ALMS1: variants seen among roughly 807,000 people sequenced by gnomAD.
The protein encoded by ALMS1 is centrosome-associated protein ALMS1.
ALMS1 carries 271 observed loss-of-function variants against 352.2 expected under a neutral mutation model. That is an observed-to-expected ratio of 0.77 (90% CI 0.70 to 0.85). The LOEUF is 0.85. Among genes scored for constraint, ALMS1 ranks in the 40% least tolerant of loss-of-function variants. ALMS1 has a pLI of 0.00. For synonymous variants in ALMS1, 1,865 were observed against 1,761.2 expected (o/e 1.06, Z -1.48); for missense variants, 5,445 against 4,870.7 (o/e 1.12, Z -3.51).
At chr2:73,550,567 C>T in intron 13 of ALMS1, 130 bp downstream of exon 13, 2 of 1,192,794 alleles carry the variant, frequency 1.7e-6, no homozygotes, top group Non-Finnish European at 2.3e-6. Flanking sequence ...TTATATTGAG[C>T]ATATACAAGA....
At chr2:73,459,436 T>C in intron 9 of ALMS1, 1 of 152,202 alleles carries the variant, frequency 6.6e-6, no homozygotes, top group South Asian at 2.1e-4. Flanking sequence ...TATACTTGCC[T>C]GAATAATTTA....
intron 15 of ALMS1, among the ~76,000 whole-genome samples, chr2:73,563,724 A>G (rs1419794603): frequency 1.9e-5 from 2 of 104,006 alleles, no homozygotes; most frequent in East Asian, 2.2e-4. Flanking sequence ...CTCCATCTCA[A>G]AAAAAAAAAA....
At chr2:73,404,736 T>C (rs1055166117) in intron 1 of ALMS1, among the ~76,000 whole-genome samples, 1 of 151,986 alleles carries the variant, frequency 6.6e-6, no homozygotes, top group Admixed American at 6.6e-5. Context: ...TATAGTCTTC[T>C]AATGTCTTTG....
chr2:73,430,603 C>T (rs1398471393), intron 6 of ALMS1, among the ~76,000 whole-genome samples: 1 of 152,070 alleles, frequency 6.6e-6, no homozygotes, highest in African/African-American at 2.4e-5. Flanking sequence ...TGATGGTAGT[C>T]CCATAAGATT....
chr2:73,559,162 T>C lies in ALMS1; in HGVS notation c.10384+20T>C. 6.2e-7 allele frequency: 1 copy of C among 1,609,006 alleles called. No homozygotes were observed. Among genetic ancestry groups the C allele is most frequent in the Non-Finnish European group, 8.5e-7 (1 of 1,177,146 alleles). On this transcript the variant is annotated intron_variant, in intron 15 of 22. Coordinates refer to ENST00000613296, the MANE Select transcript of ALMS1 (RefSeq NM_001378454.1). Reference sequence around the variant, plus strand: ...TTGAAGGTAATGGGATTGGGTTGTGTATGAGTGTGTGTGTCTTTGTGTGTA... The same window carrying C: ...TTGAAGGTAATGGGATTGGGTTGTGCATGAGTGTGTGTGTCTTTGTGTGTA...
intron 7 of ALMS1, 129 bp from the exon 8 acceptor site, chr2:73,447,831 C>T (rs1671837013): frequency 8.1e-7 from 1 of 1,237,946 alleles, no homozygotes; most frequent in Non-Finnish European, 1.1e-6. Context: ...TATTTATCTC[C>T]TTTGATGGCT....
chr2:73,562,380 A>G (rs1460362803), intron 15 of ALMS1, among the ~76,000 whole-genome samples: 1 of 152,128 alleles, frequency 6.6e-6, no homozygotes, highest in African/African-American at 2.4e-5. Context: ...AATTTTGTAT[A>G]TAGTGTTCAA....
At chr2:73,438,962 C>T (rs1390643158) in intron 7 of ALMS1, among the ~76,000 whole-genome samples, 3 of 151,816 alleles carry the variant, frequency 2.0e-5, no homozygotes, top group Non-Finnish European at 4.4e-5. Flanking sequence ...TATATAGCCA[C>T]TCCTATAGAA....
In ALMS1 at chr2:73,506,989, G is replaced by C. The variant is rs138735754; in HGVS notation, c.9540-12786G>C. On this transcript the variant is annotated intron_variant, in intron 10 of 22. Transcript: ENST00000613296. ...TTTATTGAGTGTTTTTAGCATGAAGGGGTGTTGAATTTTATCGAAGGCCTT... is the reference window on the plus strand; with the variant it reads ...TTTATTGAGTGTTTTTAGCATGAAGCGGTGTTGAATTTTATCGAAGGCCTT... Among the ~76,000 whole-genome samples the C allele has an allele frequency of 9.3e-3, 1,416 of 152,262 alleles. 27 individuals carry two copies. Among genetic ancestry groups the C allele is most frequent in the African/African-American group, 0.032 (1,343 of 41,524 alleles).
At chr2:73,553,457 T>C (rs1023401596) in intron 13 of ALMS1, among the ~76,000 whole-genome samples, 2 of 152,216 alleles carry the variant, frequency 1.3e-5, no homozygotes, top group Admixed American at 1.3e-4. Context: ...GGATACCTTA[T>C]GTGATTGACT....
chr2:73,575,616 ATCT>A (rs1447510870), intron 16 of ALMS1, among the ~76,000 whole-genome samples: 2 of 152,034 alleles, frequency 1.3e-5, no homozygotes, highest in Non-Finnish European at 2.9e-5. Flanking sequence ...CCATTTGTAT[ATCT>A]TCTTTTGAAA....
At chr2:73,596,666 T>A (rs1193817855) in intron 16 of ALMS1, among the ~76,000 whole-genome samples, 1 of 151,968 alleles carries the variant, frequency 6.6e-6, no homozygotes, top group African/African-American at 2.4e-5. Context: ...GAGACCGGGT[T>A]TCACCATATT....
chr2:73,602,206 C>T lies in ALMS1; in HGVS notation c.12136C>T (p.Pro4046Ser), dbSNP rs371269253. 2.1e-5 allele frequency: 34 copies of T among 1,613,902 alleles called. No individual in the cohort carries two copies. The highest frequency in any genetic ancestry group is 2.5e-5 in the Non-Finnish European group (29 of 1,179,974). The change falls in exon 20 of 23, where the codon CCT (proline) becomes TCT (serine). Residue 4046 changes from proline (P) to serine (S), a missense_variant. Physicochemically the swap from Pro to Ser is moderately conservative, Grantham distance 74. Transcript: ENST00000613296. Reference protein sequence around the residue: ...TLQESLQFHRPDFISRSGERI... With the variant: ...TLQESLQFHRSDFISRSGERI... ...TTAGGAATCGCTTCAGTTTCACAGA[C>T]CTGACTTCATCTCCCGCTCTGGGGA... is the stretch of plus-strand genomic sequence containing the variant.
chr2:73,524,443 TTATTTTA>T (rs1333846869), intron 11 of ALMS1, among the ~76,000 whole-genome samples: 1 of 151,990 alleles, frequency 6.6e-6, no homozygotes, highest in African/African-American at 2.4e-5. Context: ...ATTATTTTGG[TTATTTTA>T]TTTTTTAAGT....
chr2:73,505,492 A>G (rs528603780), intron 10 of ALMS1, among the ~76,000 whole-genome samples: 2 of 152,002 alleles, frequency 1.3e-5, no homozygotes, highest in East Asian at 3.9e-4. Flanking sequence ...GCTTTTTTTC[A>G]TGTTTGTTGG....
intron 9 of ALMS1, among the ~76,000 whole-genome samples, chr2:73,467,839 A>G (rs1234901486): frequency 6.6e-6 from 1 of 152,098 alleles, no homozygotes; most frequent in Non-Finnish European, 1.5e-5. Context: ...AGACACAAAG[A>G]GTCATACTGA....
intron 7 of ALMS1, among the ~76,000 whole-genome samples, chr2:73,446,401 C>T (rs1380920288): frequency 1.3e-5 from 2 of 152,146 alleles, no homozygotes; most frequent in Non-Finnish European, 2.9e-5. Context: ...CTTCTTGAGC[C>T]TGTTTTGTTT....
intron 17 of ALMS1, 103 bp downstream of exon 17, chr2:73,599,624 C>T (rs1290130016): frequency 1.5e-6 from 2 of 1,341,200 alleles, no homozygotes; most frequent in Admixed American, 3.5e-5. Flanking sequence ...GAAGATAAAA[C>T]TATATCCAAC....
chr2:73,512,816 C>T (rs997201516), intron 10 of ALMS1, among the ~76,000 whole-genome samples: 2 of 152,146 alleles, frequency 1.3e-5, no homozygotes, highest in African/African-American at 2.4e-5. Context: ...ATTTCAGGCT[C>T]ATCTTATACT....
Sources: gnomAD v4.1 joint callset for allele counts (sites outside exome capture counted in the v4.1 genomes callset) on GRCh38, gnomAD v4.1.1 for gene constraint, MANE v1.5 for transcripts, NCBI Gene and HGNC (gene_info 2026-07-23, HGNC 2026-07-21) for gene names.